LCOR: variants seen among roughly 807,000 people sequenced by gnomAD.
The protein encoded by LCOR is ligand-dependent corepressor.
In LCOR, 14 loss-of-function variants were observed where a neutral mutation model predicts 64.4. The observed-to-expected ratio is 0.22, with a 90% CI of 0.14 to 0.34. LCOR has a LOEUF of 0.34. Among genes scored for constraint, LCOR ranks in the 10% least tolerant of loss-of-function variants. LCOR has a pLI of 1.00. For synonymous variants in LCOR, 643 were observed against 642.5 expected (o/e 1.00, Z -0.01); for missense variants, 1,686 against 1,765.3 (o/e 0.96, Z 0.80).
intron 7 of LCOR, among the ~76,000 whole-genome samples, chr10:96,970,808 G>A (rs1002802054): frequency 6.6e-6 from 1 of 151,552 alleles, no homozygotes; most frequent in South Asian, 2.1e-4. Context: ...TAGTAGAGAC[G>A]GGGTTTTGCC....
At position 96,981,830 on chromosome 10, in the gene LCOR, GGGCA is replaced by G; in HGVS notation, c.1371_1374del (p.Arg457SerfsTer4). On this transcript the variant is annotated frameshift_variant, in exon 8 of 8. Transcript: ENST00000421806. LOFTEE classifies it low-confidence loss of function (END_TRUNC). ...ATCAAGACAGCTCGGAAAAGTAAAAGGGCATCAGGGCTGAGGATAAATGATTATG... is the reference window on the plus strand; with the variant it reads ...ATCAAGACAGCTCGGAAAAGTAAAAGTCAGGGCTGAGGATAAATGATTATG... 6.2e-7 allele frequency: 1 copy of G among 1,614,176 alleles called. No individual in the cohort carries two copies. Among genetic ancestry groups the G allele is most frequent in the Non-Finnish European group, 8.5e-7 (1 of 1,180,030 alleles).
intron 4 of LCOR, among the ~76,000 whole-genome samples, chr10:96,939,716 C>G (rs547511597): frequency 2.6e-5 from 4 of 152,380 alleles, no homozygotes; most frequent in African/African-American, 9.6e-5. Context: ...GTAATCCCAG[C>G]ACTTTGGGAG....
chr10:96,956,435 C>T, intron 7 of LCOR: 1 of 985,018 alleles, frequency 1.0e-6, no homozygotes, highest in Non-Finnish European at 1.2e-6. Flanking sequence ...AAAGAAAAAA[C>T]TAAGAAGAAC....
intron 2 of LCOR, among the ~76,000 whole-genome samples, chr10:96,883,178 C>T (rs552990107): frequency 2.5e-4 from 38 of 152,156 alleles, no homozygotes; most frequent in South Asian, 1.0e-3. Flanking sequence ...GGATTACAGG[C>T]GCGTGCCACC....
chr10:96,874,579 A>G (rs939967918), intron 2 of LCOR, among the ~76,000 whole-genome samples: 2 of 152,026 alleles, frequency 1.3e-5, no homozygotes, highest in Non-Finnish European at 2.9e-5. Flanking sequence ...AACTCTCAGT[A>G]CTCTGCAAAT....
intron 4 of LCOR, among the ~76,000 whole-genome samples, chr10:96,933,351 A>G (rs1478172350): frequency 6.6e-6 from 1 of 152,240 alleles, no homozygotes; most frequent in Non-Finnish European, 1.5e-5. Flanking sequence ...TTTCTGTGCA[A>G]TATATTTGCT....
chr10:96,869,396 G>A (rs1242124369), intron 2 of LCOR, among the ~76,000 whole-genome samples: 1 of 151,928 alleles, frequency 6.6e-6, no homozygotes, highest in Non-Finnish European at 1.5e-5. Context: ...TGTATTTTTA[G>A]TAGAGATGGG....
intron 7 of LCOR, chr10:96,963,882 GTATCTTTCAGATTTC>G (rs1446291933): frequency 6.6e-6 from 1 of 152,124 alleles, no homozygotes; most frequent in Non-Finnish European, 1.5e-5. Context: ...ATGGAAAATG[GTATCTTTCAGATTTC>G]TAGAAGTTCA....
chr10:96,929,721 A>T (rs1847225281), intron 4 of LCOR, among the ~76,000 whole-genome samples: 1 of 152,254 alleles, frequency 6.6e-6, no homozygotes, highest in Non-Finnish European at 1.5e-5. Flanking sequence ...AGCTTTCAGC[A>T]TGCCTTCCTC....
In LCOR at chr10:96,967,732, T is replaced by C. The variant is rs985626839; in HGVS notation, c.333-13061T>C. On this transcript the variant is annotated intron_variant, in intron 7 of 7. Transcript: ENST00000421806. ...CTAAAGGAAAAAAAAGATCTGGATA[T>C]CATGTTTAGATGCCTTTTGTTTATT... 4.6e-5 allele frequency among the ~76,000 whole-genome samples: 7 copies of C among 152,330 alleles called. No homozygotes were observed. The East Asian group carries it at 1.3e-3, about 29-fold the overall frequency.
At chr10:96,947,694 A>C (rs1445610447) in intron 5 of LCOR, among the ~76,000 whole-genome samples, 1 of 151,896 alleles carries the variant, frequency 6.6e-6, no homozygotes, top group Non-Finnish European at 1.5e-5. Flanking sequence ...CTAATCACCT[A>C]TATAAATTTG....
chr10:96,948,985 A>G (rs113180864), intron 5 of LCOR, 23 bp from the exon 6 acceptor site: 1 of 1,528,276 alleles, frequency 6.5e-7, no homozygotes, highest in East Asian at 2.3e-5. Context: ...CCACTTTAAA[A>G]GTAAATAAAT....
chr10:96,882,618 A>G (rs1405105067), intron 2 of LCOR, among the ~76,000 whole-genome samples: 1 of 152,206 alleles, frequency 6.6e-6, no homozygotes, highest in Non-Finnish European at 1.5e-5. Flanking sequence ...TCCATAATTT[A>G]TATTAGGTTT....
At chr10:96,885,385 T>C (rs576777968) in intron 2 of LCOR, among the ~76,000 whole-genome samples, 1 of 152,138 alleles carries the variant, frequency 6.6e-6, no homozygotes, top group African/African-American at 2.4e-5. Context: ...TTTTTGTTTT[T>C]GTTTTCGTTT....
At position 96,979,919 on chromosome 10, in the gene LCOR, G is replaced by A. The variant is rs56328276; in HGVS notation, c.333-874G>A. On this transcript the variant is annotated intron_variant, in intron 7 of 7. Transcript: ENST00000421806. ...AGCACTTTGGGAGGTTGAGGCAGGCGAATTGCCTGAGCTCAGGAGTTCGAG... is the reference window on the plus strand; with the variant it reads ...AGCACTTTGGGAGGTTGAGGCAGGCAAATTGCCTGAGCTCAGGAGTTCGAG... 1.0e-2 allele frequency among the ~76,000 whole-genome samples: 1,522 copies of A among 152,314 alleles called. 23 individuals are homozygous for A. Among genetic ancestry groups the A allele is most frequent in the African/African-American group, 0.031 (1,300 of 41,564 alleles).
chr10:96,869,185 G>A (rs1486203181), intron 2 of LCOR, among the ~76,000 whole-genome samples: 1 of 152,142 alleles, frequency 6.6e-6, no homozygotes, highest in Non-Finnish European at 1.5e-5. Context: ...GGGATTACAG[G>A]AGTGAGCTAC....
At chr10:96,875,151 G>A (rs1418276285) in intron 2 of LCOR, among the ~76,000 whole-genome samples, 3 of 151,720 alleles carry the variant, frequency 2.0e-5, no homozygotes, top group Non-Finnish European at 2.9e-5. Flanking sequence ...TTGGGAGGCC[G>A]AGGCAGGCAG....
chr10:96,919,441 G>A (rs1847010811), intron 4 of LCOR, among the ~76,000 whole-genome samples: 2 of 151,590 alleles, frequency 1.3e-5, no homozygotes, highest in Non-Finnish European at 2.9e-5. Context: ...CTTTTATTAG[G>A]TCTCCATCTT....
chr10:96,915,182 G>A (rs10430660), intron 4 of LCOR, among the ~76,000 whole-genome samples: 12 of 152,146 alleles, frequency 7.9e-5, no homozygotes, highest in African/African-American at 2.7e-4. Context: ...CCCCAAAAAC[G>A]ACAATGAAGT....
Sources: gnomAD v4.1 joint callset for allele counts (sites outside exome capture counted in the v4.1 genomes callset) on GRCh38, gnomAD v4.1.1 for gene constraint, MANE v1.5 for transcripts, NCBI Gene and HGNC (gene_info 2026-07-23, HGNC 2026-07-21) for gene names.